Variants in CSMD3 observed in about 807,000 individuals in gnomAD.
The protein encoded by CSMD3 is CUB and Sushi multiple domains 3, also known as CUB and sushi domain-containing protein 3.
Under a neutral mutation model 435.2 loss-of-function variants are expected in CSMD3, and 177 were observed. The ratio of observed to expected loss-of-function variants is 0.41; its 90% CI spans 0.36 to 0.46. The LOEUF (loss-of-function observed/expected upper bound fraction) is 0.46. Ranked by LOEUF, CSMD3 falls within the 20% of genes least tolerant of loss-of-function variation. The pLI is 0.34. For synonymous variants in CSMD3, 1,656 were observed against 1,520.5 expected (o/e 1.09, Z -2.07); for missense variants, 4,265 against 4,504.6 (o/e 0.95, Z 1.52).
chr8:113,321,529 C>G (rs2093949424), intron 1 of CSMD3, among the ~76,000 whole-genome samples: 1 of 151,898 alleles, frequency 6.6e-6, no homozygotes, highest in African/African-American at 2.4e-5. Flanking sequence ...TTTATTGATA[C>G]TTCTGTTTCT....
At chr8:113,332,463 A>T (rs1286500134) in intron 1 of CSMD3, among the ~76,000 whole-genome samples, 1 of 151,174 alleles carries the variant, frequency 6.6e-6, no homozygotes, top group South Asian at 2.1e-4. Context: ...GTGAACAAAA[A>T]ATCACTGTAT....
rs1324290945 is a variant in CSMD3, at chr8:112,984,066, T to G, written c.1031-7918A>C. Among the ~76,000 whole-genome samples, 6 of 151,892 alleles carry G rather than the reference T, an allele frequency of 4.0e-5. No homozygotes were observed. The Admixed American group carries it at 4.0e-4, about 10-fold the overall frequency. ...TTTGGCTTAGAAAAAAATAGCATGT[T>G]GGAGGGGAAAAAAAACTTCAGAAAT... On this transcript the variant is annotated intron_variant, in intron 6 of 70. Coordinates refer to ENST00000297405, the MANE Select transcript of CSMD3 (RefSeq NM_198123.2).
At chr8:112,677,378 C>G (rs1434060259) in intron 16 of CSMD3, among the ~76,000 whole-genome samples, 1 of 150,362 alleles carries the variant, frequency 6.7e-6, no homozygotes, top group African/African-American at 2.5e-5. Flanking sequence ...ATTTGAGAAG[C>G]CTTCTGTTTA....
chr8:113,356,823 G>T (rs1385914611), intron 1 of CSMD3, among the ~76,000 whole-genome samples: 4 of 152,120 alleles, frequency 2.6e-5, no homozygotes, highest in Non-Finnish European at 4.4e-5. Context: ...AAATGATGCA[G>T]TTACATCTGT....
At chr8:112,450,825 C>T (rs1816178206) in intron 32 of CSMD3, among the ~76,000 whole-genome samples, 1 of 152,072 alleles carries the variant, frequency 6.6e-6, no homozygotes, top group African/African-American at 2.4e-5. Context: ...TTGGCTAGAC[C>T]TCTCTGGAAA....
chr8:113,120,471 C>T (rs1477084492), intron 4 of CSMD3, among the ~76,000 whole-genome samples: 3 of 151,770 alleles, frequency 2.0e-5, no homozygotes, highest in Non-Finnish European at 4.4e-5. Flanking sequence ...AATTCAAAGT[C>T]GTGAACAAAG....
chr8:113,133,769 C>A (rs1453816125), intron 4 of CSMD3, among the ~76,000 whole-genome samples: 1 of 152,024 alleles, frequency 6.6e-6, no homozygotes, highest in Non-Finnish European at 1.5e-5. Context: ...AAAACCTTAT[C>A]TCACATTATA....
intron 4 of CSMD3, among the ~76,000 whole-genome samples, chr8:113,146,558 T>C (rs2091678857): frequency 6.6e-6 from 1 of 151,642 alleles, no homozygotes; most frequent in Non-Finnish European, 1.5e-5. Context: ...ATAAGGTACA[T>C]TTTATTCAAC....
intron 13 of CSMD3, among the ~76,000 whole-genome samples, chr8:112,690,383 A>G (rs1198625736): frequency 6.6e-6 from 1 of 151,992 alleles, no homozygotes; most frequent in African/African-American, 2.4e-5. Context: ...ACACACACAT[A>G]GACATAAATG....
chr8:112,792,584 T>C (rs1390472445), intron 13 of CSMD3, among the ~76,000 whole-genome samples: 2 of 152,164 alleles, frequency 1.3e-5, no homozygotes, highest in African/African-American at 2.4e-5. Context: ...TCATAACAGA[T>C]AGCATGCTTT....
rs1588368760 is a variant in CSMD3, at chr8:113,249,716, C to A, written c.514+28876G>T. Among the ~76,000 whole-genome samples the A allele has an allele frequency of 2.0e-5, 3 of 152,044 alleles. No individual in the cohort carries two copies. The East Asian group carries it at 5.8e-4, about 29-fold the overall frequency. On this transcript the variant is annotated intron_variant, in intron 3 of 70. Coordinates refer to ENST00000297405, the MANE Select transcript of CSMD3 (RefSeq NM_198123.2). ...GAGTGAATTCTCTGAGCTCCCAAAA[C>A]TGTTACATTGTTACATTATTTTCCT...
chr8:112,822,614 T>C (rs1252169895), intron 12 of CSMD3, among the ~76,000 whole-genome samples: 1 of 152,090 alleles, frequency 6.6e-6, no homozygotes, highest in East Asian at 1.9e-4. Context: ...TTTGACTTAC[T>C]CTCTTTATTT....
At chr8:112,448,170 T>C (rs1815834105) in intron 32 of CSMD3, among the ~76,000 whole-genome samples, 1 of 152,184 alleles carries the variant, frequency 6.6e-6, no homozygotes, top group South Asian at 2.1e-4. Flanking sequence ...TCCCAGCTTG[T>C]TAGACTACTG....
chr8:112,869,505 C>T (rs894258596), intron 10 of CSMD3, among the ~76,000 whole-genome samples: 1 of 151,964 alleles, frequency 6.6e-6, no homozygotes, highest in African/African-American at 2.4e-5. Flanking sequence ...AATGAAATAC[C>T]ATTTGACCCA....
intron 22 of CSMD3, among the ~76,000 whole-genome samples, chr8:112,617,264 C>A (rs552068529): frequency 3.3e-5 from 5 of 152,248 alleles, no homozygotes; most frequent in African/African-American, 1.2e-4. Flanking sequence ...CATGTCTCAA[C>A]ACAAAGAGAA....
intron 31 of CSMD3, among the ~76,000 whole-genome samples, chr8:112,483,431 C>A (rs144859123): frequency 6.6e-5 from 10 of 152,088 alleles, no homozygotes; most frequent in African/African-American, 2.2e-4. Flanking sequence ...TCCAGTGAGC[C>A]GAGCTTGCGC....
chr8:112,462,138 G>A (rs947336047), intron 32 of CSMD3, among the ~76,000 whole-genome samples: 1 of 152,166 alleles, frequency 6.6e-6, no homozygotes, highest in Non-Finnish European at 1.5e-5. Context: ...CTATTTCGCA[G>A]TAACCGCTCA....
At chr8:113,356,911 A>AT (rs569669742) in intron 1 of CSMD3, among the ~76,000 whole-genome samples, 238 of 152,190 alleles carry the variant, frequency 1.6e-3, no homozygotes, top group African/African-American at 5.6e-3. Flanking sequence ...ACATAAAAAT[A>AT]TTTTTTTCTG....
chr8:113,372,417 A>G (rs1383804905), intron 1 of CSMD3, among the ~76,000 whole-genome samples: 1 of 152,140 alleles, frequency 6.6e-6, no homozygotes, highest in Non-Finnish European at 1.5e-5. Flanking sequence ...ATTTCTACAT[A>G]CATAAGATGA....
Sources: gnomAD v4.1 joint callset for allele counts (sites outside exome capture counted in the v4.1 genomes callset) on GRCh38, gnomAD v4.1.1 for gene constraint, MANE v1.5 for transcripts, NCBI Gene and HGNC (gene_info 2026-07-23, HGNC 2026-07-21) for gene names.